RYR3: variants seen among roughly 807,000 people sequenced by gnomAD.
RYR3 encodes ryanodine receptor 3.
Under a neutral mutation model 584.3 loss-of-function variants are expected in RYR3, and 207 were observed. That is an observed-to-expected ratio of 0.35 (90% CI 0.32 to 0.40). The LOEUF (loss-of-function observed/expected upper bound fraction) is 0.40, where lower values mean the gene tolerates loss of function less well. RYR3 is among the 10% of genes least tolerant of loss of function. RYR3 has a pLI of 1.00. For synonymous variants in RYR3, 2,416 were observed against 2,248.5 expected (o/e 1.07, Z -2.11); for missense variants, 5,616 against 6,089.2 (o/e 0.92, Z 2.59).
In RYR3 at chr15:33,700,980, C is replaced by T; in HGVS notation, c.6383C>T (p.Ser2128Phe). The change falls in exon 42 of 104, where the codon TCC (serine) becomes TTC (phenylalanine). Residue 2128 changes from serine (S) to phenylalanine (F), a missense_variant. Coordinates refer to ENST00000634891, the MANE Select transcript of RYR3 (RefSeq NM_001036.6). ...TAATTCTCCCCTCCTCCCTCAGCCT[C>T]CCCGTCGATGAGGGGATCCACCCCG... Reference protein sequence around the residue: ...LLENSSVGLASPSMRGSTPLD... With the variant: ...LLENSSVGLAFPSMRGSTPLD... 1 of 1,611,856 alleles carries T rather than the reference C, an allele frequency of 6.2e-7. No homozygotes were observed. The highest frequency in any genetic ancestry group is 2.2e-5 in the East Asian group (1 of 44,880).
At chr15:33,558,930 C>T (rs58003404) in intron 10 of RYR3, among the ~76,000 whole-genome samples, 19 of 152,162 alleles carry the variant, frequency 1.2e-4, no homozygotes, top group African/African-American at 4.6e-4. Context: ...AAAGCCTTTT[C>T]GTGGTTTCCA....
intron 1 of RYR3, among the ~76,000 whole-genome samples, chr15:33,435,519 T>G (rs1388395398): frequency 1.3e-5 from 2 of 152,206 alleles, no homozygotes; most frequent in Admixed American, 1.3e-4. Context: ...TATACTTGTG[T>G]GAGAATTTCT....
At chr15:33,648,247 T>G (rs1468151060) in intron 30 of RYR3, among the ~76,000 whole-genome samples, 1 of 152,176 alleles carries the variant, frequency 6.6e-6, no homozygotes, top group Non-Finnish European at 1.5e-5. Flanking sequence ...GACAAATGAT[T>G]TGTCCAAAGT....
chr15:33,636,285 A>T (rs966042838), intron 26 of RYR3, 91 bp from the exon 27 acceptor site: 1 of 1,072,372 alleles, frequency 9.3e-7, no homozygotes, highest in Non-Finnish European at 1.4e-6. Context: ...AACCACTACT[A>T]GTTAGGAGAT....
At chr15:33,666,012 G>A (rs191803500) in intron 36 of RYR3, among the ~76,000 whole-genome samples, 1 of 152,076 alleles carries the variant, frequency 6.6e-6, no homozygotes, top group African/African-American at 2.4e-5. Context: ...CACCCCTAGG[G>A]TTTCTTTTTT....
intron 16 of RYR3, among the ~76,000 whole-genome samples, chr15:33,589,195 A>G (rs995895663): frequency 6.6e-6 from 1 of 152,156 alleles, no homozygotes; most frequent in African/African-American, 2.4e-5. Flanking sequence ...TTTAGTTTGC[A>G]CTTCGCTGAT....
In RYR3 at chr15:33,864,141, C is replaced by A; in HGVS notation, c.14469C>A (p.Phe4823Leu). Residue 4823 changes from phenylalanine to leucine, a missense_variant, in exon 103 of 104, where the codon TTC (phenylalanine) becomes TTA (leucine). By Grantham distance (22) the Phe-to-Leu change is conservative. Transcript: ENST00000634891. ...TACTATCTTTTCCTCGTTCCAGGTT[C>A]TTTCTGATGTATTTGATTAATAAAG... ...LQEHNLANYL[F>L]FLMYLINKDE... 1 of 1,610,886 alleles carries A rather than the reference C, an allele frequency of 6.2e-7. No individual in the cohort carries two copies. Among genetic ancestry groups the A allele is most frequent in the Non-Finnish European group, 8.5e-7 (1 of 1,177,870 alleles).
chr15:33,602,584 C>T (rs751334216), intron 17 of RYR3, among the ~76,000 whole-genome samples: 15 of 152,074 alleles, frequency 9.9e-5, no homozygotes, highest in East Asian at 3.8e-4. Flanking sequence ...ATTTCAGCAT[C>T]GTTGCCCATG....
chr15:33,701,439 A>G (rs1194116223), intron 42 of RYR3, among the ~76,000 whole-genome samples: 3 of 152,210 alleles, frequency 2.0e-5, no homozygotes, highest in African/African-American at 4.8e-5. Context: ...ATGGCAGAAT[A>G]CTGTATAATC....
chr15:33,780,028 A>T (rs886521500), intron 64 of RYR3, among the ~76,000 whole-genome samples, 183 bp from the exon 65 acceptor site: 1 of 152,126 alleles, frequency 6.6e-6, no homozygotes, highest in East Asian at 1.9e-4. Flanking sequence ...AAGAACTAGG[A>T]TCTAAGCAGT....
chr15:33,609,072 C>A (rs895554188), intron 18 of RYR3, among the ~76,000 whole-genome samples: 1 of 152,206 alleles, frequency 6.6e-6, no homozygotes, highest in Non-Finnish European at 1.5e-5. Flanking sequence ...AACAGTGAAC[C>A]CTCAGAGGAC....
chr15:33,754,379 C>T (rs1029765902), intron 57 of RYR3, among the ~76,000 whole-genome samples: 1 of 152,302 alleles, frequency 6.6e-6, no homozygotes, highest in East Asian at 1.9e-4. Context: ...CCTGTAGGGA[C>T]GTACATGATT....
In RYR3 at chr15:33,669,423, T is replaced by C; in HGVS notation, c.5689T>C (p.Tyr1897His). The C allele has an allele frequency of 6.2e-7, 1 of 1,613,998 alleles. No individual in the cohort carries two copies. The highest frequency in any genetic ancestry group is 8.5e-7 in the Non-Finnish European group (1 of 1,179,868). ...PCPEEIREELYDFHEDLLLHC... is the reference protein window; with the variant it reads ...PCPEEIREELHDFHEDLLLHC... Reference sequence around the variant, plus strand: ...CCCAGAGGAGATTCGGGAGGAGCTGTATGATTTCCATGAGGACCTTCTCCT... The same window carrying C: ...CCCAGAGGAGATTCGGGAGGAGCTGCATGATTTCCATGAGGACCTTCTCCT... Residue 1897 changes from tyrosine to histidine, a missense_variant, in exon 37 of 104, where the codon TAT (tyrosine) becomes CAT (histidine). Tyr to His is a moderately conservative substitution (Grantham distance 83). This residue lies in a region of RYR3 where 1,280 missense variants were observed against 1,426.2 expected (regional missense o/e 0.90). Transcript: ENST00000634891.
At chr15:33,561,749 G>C (rs2057413440) in intron 10 of RYR3, among the ~76,000 whole-genome samples, 1 of 151,680 alleles carries the variant, frequency 6.6e-6, no homozygotes, top group South Asian at 2.1e-4. Flanking sequence ...AAATACAAAA[G>C]ATTAGCCAGG....
intron 3 of RYR3, among the ~76,000 whole-genome samples, chr15:33,504,245 T>A (rs966913244): frequency 1.3e-5 from 2 of 152,202 alleles, no homozygotes; most frequent in African/African-American, 4.8e-5. Context: ...TTGTCTTGAG[T>A]TTCCATTGTC....
rs572720072 is a variant in RYR3 at position 33,414,576 on chromosome 15, T to G, written c.52-58843T>G. On this transcript the variant is annotated intron_variant, in intron 1 of 103. Transcript: ENST00000634891. ...TCAGAAGCAGTGACAGGATGTGTCA[T>G]GTCTGAGAGGCACCTTGAAGTTTGA... Among the ~76,000 whole-genome samples the G allele has an allele frequency of 8.9e-4, 136 of 152,318 alleles. 1 individual carries two copies. The highest frequency in any genetic ancestry group is 3.2e-3 in the African/African-American group (132 of 41,568).
intron 1 of RYR3, among the ~76,000 whole-genome samples, chr15:33,326,028 T>C (rs1969654410): frequency 6.6e-6 from 1 of 152,090 alleles, no homozygotes; most frequent in African/African-American, 2.4e-5. Context: ...TTTCTTGAAC[T>C]CCTAAGCTCA....
chr15:33,380,631 C>T (rs1289794986), intron 1 of RYR3, among the ~76,000 whole-genome samples: 3 of 152,202 alleles, frequency 2.0e-5, no homozygotes, highest in Non-Finnish European at 4.4e-5. Flanking sequence ...GGGCTTCATG[C>T]ATCTTCCAAA....
intron 43 of RYR3, 193 bp from the exon 44 acceptor site, chr15:33,722,522 T>C: frequency 1.7e-6 from 1 of 602,120 alleles, no homozygotes; most frequent in South Asian, 2.2e-5. Context: ...GTGGGGTTTA[T>C]AACTAACTGA....
Sources: allele counts gnomAD v4.1 joint callset (sites outside exome capture counted in the v4.1 genomes callset), GRCh38; gene constraint gnomAD v4.1.1; regional missense constraint gnomAD v4.1.1; transcripts MANE v1.5; gene names NCBI Gene and HGNC (gene_info 2026-07-23, HGNC 2026-07-21).